Variants in KLHL25 observed in about 807,000 individuals in gnomAD.
KLHL25 encodes the protein kelch-like protein 25.
Under a neutral mutation model 30.0 loss-of-function variants are expected in KLHL25, and 41 were observed. That is an observed-to-expected ratio of 1.37 (90% CI 1.07 to 1.78). KLHL25 has a LOEUF of 1.78. Among genes scored for constraint, KLHL25 ranks in the 40% most tolerant of loss-of-function variants. The probability of loss-of-function intolerance (pLI) is 0.00; values close to 1 mark genes in which losing one functional copy is unlikely to be tolerated. For missense variants in KLHL25, 971 were observed against 824.5 expected (o/e 1.18, Z -2.18); for synonymous variants, 399 against 355.3 (o/e 1.12, Z -1.38).
At chr15:85,778,713 C>T (rs1400088300) in intron 1 of KLHL25, among the ~76,000 whole-genome samples, 2 of 152,198 alleles carry the variant, frequency 1.3e-5, no homozygotes, top group African/African-American at 4.8e-5. Context: ...TGCTGAGCAC[C>T]AAAGGGGACA....
chr15:85,788,224 G>A (rs1175569298), intron 1 of KLHL25, among the ~76,000 whole-genome samples: 1 of 152,180 alleles, frequency 6.6e-6, no homozygotes, highest in Non-Finnish European at 1.5e-5. Context: ...TCTGTCCGCA[G>A]CCCACGCAGG....
rs761792369 is a variant in KLHL25 at position 85,768,814 on chromosome 15, ACTC to A, written c.994_996del (p.Glu332del). 4 of 1,612,832 alleles carry A rather than the reference ACTC, an allele frequency of 2.5e-6. No homozygotes were observed. Among genetic ancestry groups the A allele is most frequent in the African/African-American group, 1.3e-5 (1 of 74,796 alleles). On this transcript the variant is annotated inframe_deletion, in exon 2 of 3. Coordinates refer to ENST00000337975, the MANE Select transcript of KLHL25 (RefSeq NM_022480.4). ...TTGCAGCCGATCGCTGAGGCGCTGAACTCCTTCCGGGGGCTGGGCAGGTCGGCC... is the reference window on the plus strand; with the variant it reads ...TTGCAGCCGATCGCTGAGGCGCTGAACTTCCGGGGGCTGGGCAGGTCGGCC...
chr15:85,769,753 C>A lies in KLHL25; in HGVS notation c.58G>T (p.Val20Phe). The A allele has an allele frequency of 1.9e-6, 3 of 1,613,542 alleles. No homozygotes were observed. Among genetic ancestry groups the A allele is most frequent in the Non-Finnish European group, 1.7e-6 (2 of 1,180,022 alleles). The change falls in exon 2 of 3, where the codon GTC (valine) becomes TTC (phenylalanine). Residue 20 changes from valine to phenylalanine, a missense_variant. Transcript: ENST00000337975. ...KSRSSTGSMN[V>F]TLFHKASHPD... ...TGGGAGGCCTTGTGGAAGAGGGTGA[C>A]GTTCATGGACCCCGTGCTGCTCCGC...
At chr15:85,772,748 C>G (rs903426803) in intron 1 of KLHL25, among the ~76,000 whole-genome samples, 2 of 152,254 alleles carry the variant, frequency 1.3e-5, no homozygotes, top group African/African-American at 4.8e-5. Flanking sequence ...GGAGGCAGAG[C>G]AGTGACCTCT....
At chr15:85,763,068 G>A (rs2089594131) in intron 2 of KLHL25, 1 of 152,358 alleles carries the variant, frequency 6.6e-6, no homozygotes, top group African/African-American at 2.4e-5. Flanking sequence ...TTGGGAGTCT[G>A]CGCCTTAAAG....
intron 1 of KLHL25, among the ~76,000 whole-genome samples, chr15:85,791,870 A>G (rs1204838634): frequency 6.6e-6 from 1 of 152,216 alleles, no homozygotes; most frequent in Non-Finnish European, 1.5e-5. Context: ...TCACAGACCC[A>G]CAGCATTTGA....
chr15:85,789,647 C>G lies in KLHL25; in HGVS notation c.-11+5119G>C, dbSNP rs1457529913. Among the ~76,000 whole-genome samples, 1 of 152,196 alleles carries G rather than the reference C, an allele frequency of 6.6e-6. No homozygotes were observed. The highest frequency in any genetic ancestry group is 1.5e-5 in the Non-Finnish European group (1 of 68,032). ...CCAAGGGACATCCCACCAGGGAAGTCTCACCCTAGTCATTCCAGAGGGGGT... is the reference window on the plus strand; with the variant it reads ...CCAAGGGACATCCCACCAGGGAAGTGTCACCCTAGTCATTCCAGAGGGGGT... On this transcript the variant is annotated intron_variant, in intron 1 of 2. Coordinates refer to ENST00000337975, the MANE Select transcript of KLHL25 (RefSeq NM_022480.4). This position sits in a 1 kb window ranked among gnomAD's most constrained non-coding sequence, Gnocchi z 4.1.
intron 2 of KLHL25, chr15:85,761,299 G>A (rs1306734048): frequency 6.6e-6 from 1 of 152,296 alleles, no homozygotes; most frequent in Non-Finnish European, 1.5e-5. Context: ...CAGGCGGCTT[G>A]GTACTTGATT....
chr15:85,773,765 A>G (rs1424199818), intron 1 of KLHL25, among the ~76,000 whole-genome samples: 1 of 152,170 alleles, frequency 6.6e-6, no homozygotes, highest in African/African-American at 2.4e-5. Context: ...GGGAGTGGGA[A>G]GGGGTGACAG....
At chr15:85,788,056 CAAA>C (rs60547525) in intron 1 of KLHL25, among the ~76,000 whole-genome samples, 2 of 58,304 alleles carry the variant, frequency 3.4e-5, no homozygotes, top group Non-Finnish European at 6.1e-5. Flanking sequence ...AACTAGATCT[CAAA>C]AAAAAAAAAA....
intron 1 of KLHL25, among the ~76,000 whole-genome samples, chr15:85,773,617 G>C (rs560601804): frequency 1.3e-5 from 2 of 152,258 alleles, no homozygotes; most frequent in South Asian, 4.1e-4. Context: ...TGATGAGCTA[G>C]TGTCATCCTC....
chr15:85,776,526 T>G (rs1426471313), intron 1 of KLHL25, among the ~76,000 whole-genome samples: 1 of 152,182 alleles, frequency 6.6e-6, no homozygotes, highest in Admixed American at 6.5e-5. Context: ...TTATGCATAT[T>G]TATTCAATAT....
chr15:85,788,454 AGAGGGTCGGG>A (rs2089795392), intron 1 of KLHL25, among the ~76,000 whole-genome samples: 1 of 152,138 alleles, frequency 6.6e-6, no homozygotes, highest in South Asian at 2.1e-4. Context: ...TGGGATCAGG[AGAGGGTCGGG>A]GAGGACCTTG....
rs2089799298 is a variant in KLHL25 at position 85,789,043 on chromosome 15, A to C, written c.-11+5723T>G. Among the ~76,000 whole-genome samples the C allele has an allele frequency of 6.6e-6, 1 of 152,246 alleles. No individual in the cohort carries two copies. The highest frequency in any genetic ancestry group is 1.5e-5 in the Non-Finnish European group (1 of 68,038). On this transcript the variant is annotated intron_variant, in intron 1 of 2. Coordinates refer to ENST00000337975, the MANE Select transcript of KLHL25 (RefSeq NM_022480.4). This position sits in a 1 kb window ranked among gnomAD's most constrained non-coding sequence, Gnocchi z 4.1. ...GTTTGAATGAGCACAGCTTCTCCTT[A>C]TCTTAATTAGGAAATTAATTCTGCT...
chr15:85,781,553 G>C (rs775329070), intron 1 of KLHL25, among the ~76,000 whole-genome samples: 1 of 151,946 alleles, frequency 6.6e-6, no homozygotes, highest in South Asian at 2.1e-4. Context: ...GTGTGATGTC[G>C]GCTCACTGCA....
chr15:85,781,985 C>G (rs1364508990), intron 1 of KLHL25, among the ~76,000 whole-genome samples: 3 of 151,956 alleles, frequency 2.0e-5, no homozygotes, highest in Non-Finnish European at 4.4e-5. Context: ...AATGACCTGG[C>G]CCTGCCTGCT....
At chr15:85,790,769 G>C (rs1447505894) in intron 1 of KLHL25, among the ~76,000 whole-genome samples, 1 of 152,122 alleles carries the variant, frequency 6.6e-6, no homozygotes, top group Admixed American at 6.5e-5. Context: ...GCCTCATACA[G>C]ACTCTGTACC....
chr15:85,771,659 A>C (rs2089675553), intron 1 of KLHL25, among the ~76,000 whole-genome samples: 1 of 152,238 alleles, frequency 6.6e-6, no homozygotes, highest in Non-Finnish European at 1.5e-5. Flanking sequence ...GGACCTGCCT[A>C]AGACACTGCT....
intron 1 of KLHL25, among the ~76,000 whole-genome samples, chr15:85,787,766 A>G (rs1329368962): frequency 3.9e-5 from 6 of 152,212 alleles, no homozygotes; most frequent in African/African-American, 1.2e-4. Flanking sequence ...AGTATTGAGT[A>G]TGATTCAAAT....
Sources: gnomAD v4.1 joint callset for allele counts (sites outside exome capture counted in the v4.1 genomes callset) on GRCh38, gnomAD v4.1.1 for gene constraint, Gnocchi (gnomAD v3.1) non-coding constraint, MANE v1.5 for transcripts, NCBI Gene and HGNC (gene_info 2026-07-23, HGNC 2026-07-21) for gene names.